Variants in GNAQ observed in about 807,000 individuals in gnomAD.
GNAQ encodes guanine nucleotide-binding protein G(q) subunit alpha.
A neutral mutation model predicts 43.9 loss-of-function variants in GNAQ; 8 were observed. That is an observed-to-expected ratio of 0.18 (90% CI 0.11 to 0.33). GNAQ has a LOEUF of 0.33. Among genes scored for constraint, GNAQ ranks in the 10% least tolerant of loss-of-function variants. The pLI, the probability that GNAQ is intolerant of heterozygous loss-of-function variation, is 1.00. For synonymous variants in GNAQ, 155 were observed against 170.7 expected (o/e 0.91, Z 0.71); for missense variants, 158 against 450.8 (o/e 0.35, Z 5.88).
intron 2 of GNAQ, among the ~76,000 whole-genome samples, chr9:77,877,617 T>C (rs950680593): frequency 2.0e-5 from 3 of 152,196 alleles, no homozygotes; most frequent in African/African-American, 7.2e-5. Context: ...TACCGTAACC[T>C]ACTTTAATTA....
At chr9:77,989,097 T>G (rs1223955503) in intron 1 of GNAQ, among the ~76,000 whole-genome samples, 2 of 152,216 alleles carry the variant, frequency 1.3e-5, no homozygotes, top group African/African-American at 4.8e-5. Context: ...TAAAATTATC[T>G]TTAGTTCTTA....
chr9:77,920,018 A>C (rs978915065), intron 2 of GNAQ, among the ~76,000 whole-genome samples: 2 of 152,154 alleles, frequency 1.3e-5, no homozygotes, highest in African/African-American at 4.8e-5. Flanking sequence ...GCACGCCTGT[A>C]GTCCCAGCTA....
rs1276282308 is a variant in GNAQ, at chr9:77,718,412, ATGCATCAC to A, written c.*2903_*2910del. The A allele has an allele frequency of 4.3e-6, 1 of 232,482 alleles. No individual in the cohort carries two copies. Among genetic ancestry groups the A allele is most frequent in the Non-Finnish European group, 8.5e-6 (1 of 117,604 alleles). 14.4% of individuals were successfully genotyped at this position (232,482 alleles called of 1,614,324 possible). A position where few individuals can be genotyped will look rare whatever the true frequency, so the allele number is the denominator to read the frequency against. On this transcript the variant is annotated 3_prime_UTR_variant, in exon 7 of 7. Coordinates refer to ENST00000286548, the MANE Select transcript of GNAQ (RefSeq NM_002072.5). ...CTGGTGTGGCTAAAATTAGGTTTCTATGCATCACTGCTGCTAGGGTGATCAATTTTTTC... is the reference window on the plus strand; with the variant it reads ...CTGGTGTGGCTAAAATTAGGTTTCTATGCTGCTAGGGTGATCAATTTTTTC...
chr9:77,789,655 T>C (rs1362485817), intron 5 of GNAQ, among the ~76,000 whole-genome samples: 2 of 152,184 alleles, frequency 1.3e-5, no homozygotes, highest in African/African-American at 2.4e-5. Context: ...TCATAATTAG[T>C]TGTAATTACA....
At chr9:77,998,728 T>C (rs1823607301) in intron 1 of GNAQ, among the ~76,000 whole-genome samples, 1 of 152,190 alleles carries the variant, frequency 6.6e-6, no homozygotes, top group Non-Finnish European at 1.5e-5. Flanking sequence ...ACTGTTAGTA[T>C]TTTTTATACT....
At chr9:77,943,299 A>G (rs1829340119) in intron 1 of GNAQ, among the ~76,000 whole-genome samples, 1 of 152,224 alleles carries the variant, frequency 6.6e-6, no homozygotes, top group South Asian at 2.1e-4. Context: ...CACAAAAGAA[A>G]CTTAAGAGAT....
At chr9:77,920,486 C>G (rs1828980243) in intron 2 of GNAQ, among the ~76,000 whole-genome samples, 1 of 152,140 alleles carries the variant, frequency 6.6e-6, no homozygotes, top group South Asian at 2.1e-4. Flanking sequence ...AACTGGAAAA[C>G]TCGCTGGTAT....
intron 1 of GNAQ, among the ~76,000 whole-genome samples, chr9:77,981,630 G>C (rs1360661606): frequency 6.6e-6 from 1 of 152,194 alleles, no homozygotes; most frequent in African/African-American, 2.4e-5. Flanking sequence ...GTAGGCTGAG[G>C]TGTCTTTAAA....
rs373950968 is a variant in GNAQ, at chr9:77,845,955, G to A, written c.322-30185C>T. 3.7e-4 allele frequency among the ~76,000 whole-genome samples: 57 copies of A among 152,304 alleles called. 1 individual carries two copies. Among genetic ancestry groups the A allele is most frequent in the African/African-American group, 1.3e-3 (54 of 41,582 alleles). On this transcript the variant is annotated intron_variant, in intron 2 of 6. Coordinates refer to ENST00000286548, the MANE Select transcript of GNAQ (RefSeq NM_002072.5). ...AGATCAAAGAGAAATGTGACCAAGTGAAACTAGAGAGAGTCAGAGGTAGGC... is the reference window on the plus strand; with the variant it reads ...AGATCAAAGAGAAATGTGACCAAGTAAAACTAGAGAGAGTCAGAGGTAGGC...
At chr9:77,755,574 G>A (rs1260960749) in intron 5 of GNAQ, among the ~76,000 whole-genome samples, 1 of 152,132 alleles carries the variant, frequency 6.6e-6, no homozygotes, top group Non-Finnish European at 1.5e-5. Flanking sequence ...ACATGTTTGT[G>A]CATGTATACA....
At chr9:77,816,023 A>C (rs545444210) in intron 2 of GNAQ, among the ~76,000 whole-genome samples, 2 of 152,294 alleles carry the variant, frequency 1.3e-5, no homozygotes, top group South Asian at 4.1e-4. Context: ...TGGCGTATTC[A>C]GCTCTCCCAT....
intron 5 of GNAQ, among the ~76,000 whole-genome samples, chr9:77,758,337 T>C (rs921139522): frequency 8.5e-5 from 13 of 152,338 alleles, no homozygotes; most frequent in Middle Eastern, 3.4e-3. Flanking sequence ...AACAACTAAA[T>C]TGAAAGCCTT....
intron 5 of GNAQ, among the ~76,000 whole-genome samples, chr9:77,782,156 G>A (rs1051163547): frequency 2.0e-5 from 3 of 151,658 alleles, no homozygotes; most frequent in African/African-American, 7.3e-5. Flanking sequence ...ATGTGCACAT[G>A]TACCCTAAAA....
intron 5 of GNAQ, among the ~76,000 whole-genome samples, chr9:77,779,421 C>A (rs1826353416): frequency 6.6e-6 from 1 of 151,594 alleles, no homozygotes; most frequent in Non-Finnish European, 1.5e-5. Flanking sequence ...TGCTTAGAGA[C>A]AAATTTATAG....
intron 2 of GNAQ, among the ~76,000 whole-genome samples, chr9:77,820,081 A>C (rs1371019541): frequency 9.2e-6 from 1 of 109,268 alleles, no homozygotes. Flanking sequence ...CTAGTTATTT[A>C]AAATGCAAAA....
At chr9:77,984,562 C>T (rs540280159) in intron 1 of GNAQ, among the ~76,000 whole-genome samples, 1 of 152,134 alleles carries the variant, frequency 6.6e-6, no homozygotes, top group Non-Finnish European at 1.5e-5. Flanking sequence ...TATGAATTCG[C>T]ATAATTTTTG....
At chr9:77,875,100 T>G (rs760698774) in intron 2 of GNAQ, among the ~76,000 whole-genome samples, 4 of 152,164 alleles carry the variant, frequency 2.6e-5, no homozygotes, top group Non-Finnish European at 5.9e-5. Flanking sequence ...GTAAACAGCA[T>G]GCTAAATGCA....
intron 1 of GNAQ, among the ~76,000 whole-genome samples, chr9:77,976,380 G>T (rs996223341): frequency 5.3e-5 from 8 of 150,656 alleles, no homozygotes; most frequent in South Asian, 2.1e-4. Context: ...TTGGTTTTTG[G>T]TTTTTTTTTG....
At chr9:77,860,127 T>C (rs1316806547) in intron 2 of GNAQ, among the ~76,000 whole-genome samples, 1 of 152,210 alleles carries the variant, frequency 6.6e-6, no homozygotes, top group Non-Finnish European at 1.5e-5. Context: ...ATATTAAAGC[T>C]GCCCTAGAAC....
Sources: gnomAD v4.1 joint callset for allele counts (sites outside exome capture counted in the v4.1 genomes callset) on GRCh38, gnomAD v4.1.1 for gene constraint, MANE v1.5 for transcripts, NCBI Gene and HGNC (gene_info 2026-07-23, HGNC 2026-07-21) for gene names.